The following LRP1B variants were observed in gnomAD, a reference collection of about 807,000 sequenced individuals.
LRP1B encodes the protein low-density lipoprotein receptor-related protein 1B.
In LRP1B, 217 loss-of-function variants were observed where a neutral mutation model predicts 556.6. The observed-to-expected ratio is 0.39, with a 90% CI of 0.35 to 0.44. The LOEUF is 0.44. Among genes scored for constraint, LRP1B ranks in the 20% least tolerant of loss-of-function variants. LRP1B has a pLI of 1.00. For missense variants in LRP1B, 5,053 were observed against 5,620.8 expected, an observed-to-expected ratio of 0.90 and a Z score of 3.23; for synonymous variants, 2,047 against 1,865.8, an observed-to-expected ratio of 1.10 and a Z score of -2.50.
At chr2:141,282,821 A>G (rs1408650969) in intron 3 of LRP1B, among the ~76,000 whole-genome samples, 3 of 152,186 alleles carry the variant, frequency 2.0e-5, no homozygotes, top group Non-Finnish European at 1.5e-5. Context: ...AAGAAAAAGT[A>G]TAAGACTTCT....
chr2:142,081,028 C>T (rs1218106780), intron 1 of LRP1B, among the ~76,000 whole-genome samples: 1 of 152,080 alleles, frequency 6.6e-6, no homozygotes, highest in East Asian at 1.9e-4. Flanking sequence ...ATGGCTTTCC[C>T]TCTAACTGGG....
intron 7 of LRP1B, among the ~76,000 whole-genome samples, chr2:141,069,808 T>G (rs1699584832): frequency 6.6e-6 from 1 of 152,012 alleles, no homozygotes; most frequent in South Asian, 2.1e-4. Flanking sequence ...CACCCTTCTT[T>G]TATTATTATT....
At chr2:140,940,342 G>A (rs1159768185) in intron 20 of LRP1B, among the ~76,000 whole-genome samples, 1 of 152,064 alleles carries the variant, frequency 6.6e-6, no homozygotes, top group African/African-American at 2.4e-5. Flanking sequence ...TGTAGTGAAA[G>A]TTTACATAAT....
intron 87 of LRP1B, among the ~76,000 whole-genome samples, chr2:140,242,277 C>G (rs556505554): frequency 1.3e-5 from 2 of 151,226 alleles, no homozygotes; most frequent in African/African-American, 4.8e-5. Context: ...ATACTACATA[C>G]ATGCTTAATG....
intron 2 of LRP1B, among the ~76,000 whole-genome samples, chr2:141,577,656 C>T (rs528168362): frequency 1.3e-5 from 2 of 152,246 alleles, no homozygotes; most frequent in South Asian, 2.1e-4. Flanking sequence ...TGATTCTTTT[C>T]CTGTGAAAAT....
At chr2:141,259,975 G>A (rs560242195) in intron 3 of LRP1B, among the ~76,000 whole-genome samples, 63 of 152,064 alleles carry the variant, frequency 4.1e-4, no homozygotes, top group African/African-American at 1.3e-3. Context: ...CTGCCATATC[G>A]TATATACACT....
intron 2 of LRP1B, among the ~76,000 whole-genome samples, chr2:141,675,605 T>C (rs2105420368): frequency 6.6e-6 from 1 of 151,854 alleles, no homozygotes; most frequent in East Asian, 1.9e-4. Context: ...AGTTAATACA[T>C]GTAGTATACT....
chr2:141,691,050 C>G (rs1397818850), intron 2 of LRP1B, among the ~76,000 whole-genome samples: 1 of 151,786 alleles, frequency 6.6e-6, no homozygotes, highest in Non-Finnish European at 1.5e-5. Flanking sequence ...GAGTACTAGA[C>G]AGACTTGAAG....
At chr2:141,586,621 C>T (rs1237481996) in intron 2 of LRP1B, among the ~76,000 whole-genome samples, 1 of 152,076 alleles carries the variant, frequency 6.6e-6, no homozygotes, top group Admixed American at 6.5e-5. Context: ...CACTCAAATG[C>T]CATTGACAAA....
chr2:140,769,119 C>A, intron 35 of LRP1B, 94 bp downstream of exon 35: 1 of 1,138,356 alleles, frequency 8.8e-7, no homozygotes, highest in Non-Finnish European at 1.3e-6. Flanking sequence ...CTCATCTTGA[C>A]TATTAAAGCA....
At chr2:140,401,150 T>C (rs1684482239) in intron 66 of LRP1B, among the ~76,000 whole-genome samples, 1 of 152,024 alleles carries the variant, frequency 6.6e-6, no homozygotes, top group African/African-American at 2.4e-5. Flanking sequence ...GTGGGGCTAG[T>C]GGGAAGTACA....
intron 3 of LRP1B, among the ~76,000 whole-genome samples, chr2:141,312,486 T>C (rs572724436): frequency 1.3e-5 from 2 of 152,254 alleles, no homozygotes; most frequent in South Asian, 4.1e-4. Flanking sequence ...TGTTAACAGT[T>C]AAGTTTTGGG....
At chr2:141,313,173 T>C (rs1313991760) in intron 3 of LRP1B, among the ~76,000 whole-genome samples, 3 of 152,150 alleles carry the variant, frequency 2.0e-5, no homozygotes, top group African/African-American at 7.2e-5. Flanking sequence ...TTGGCCTCAT[T>C]CTTTATGATT....
intron 18 of LRP1B, among the ~76,000 whole-genome samples, chr2:140,958,108 C>T (rs1695926906): frequency 6.6e-6 from 1 of 151,302 alleles, no homozygotes; most frequent in African/African-American, 2.4e-5. Flanking sequence ...AAAATTTCCA[C>T]ATGGGACAAA....
chr2:141,997,415 A>ATG (rs138233497), intron 1 of LRP1B, among the ~76,000 whole-genome samples: 9 of 138,356 alleles, frequency 6.5e-5, no homozygotes, highest in African/African-American at 2.4e-4. Context: ...AAATGTATAT[A>ATG]TGTGTGTGTG....
At chr2:141,634,618 ATTT>A (rs1689036884) in intron 2 of LRP1B, among the ~76,000 whole-genome samples, 1 of 151,988 alleles carries the variant, frequency 6.6e-6, no homozygotes, top group African/African-American at 2.4e-5. Context: ...TTTATCTCAC[ATTT>A]ATTATAAATA....
rs202029290 is a variant in LRP1B, at chr2:141,544,337, C to CTT, written c.206-63806_206-63805dup. On this transcript the variant is annotated intron_variant, in intron 2 of 90. Transcript: ENST00000389484. ...TCTTCTTCTTCTTCTTCTTCTTCTTCTTCTTCTTCTTCTTCTTCTTCTTCT... is the reference window on the plus strand; with the variant it reads ...TCTTCTTCTTCTTCTTCTTCTTCTTCTTTTCTTCTTCTTCTTCTTCTTCTTCT... Among the ~76,000 whole-genome samples, 374 of 67,186 alleles carry CTT rather than the reference C, an allele frequency of 5.6e-3. 3 individuals are homozygous for CTT. The highest frequency in any genetic ancestry group is 0.014 in the South Asian group (19 of 1,366). The allele number at this position is 67,186 out of a possible 152,430, so 44.1% of individuals were successfully genotyped here.
rs35691427 is a variant in LRP1B, at chr2:140,755,015, T to TAA, written c.5758+14196_5758+14197dup. Among the ~76,000 whole-genome samples, 4 of 151,104 alleles carry TAA rather than the reference T, an allele frequency of 2.6e-5. No homozygotes were observed. The South Asian group carries it at 6.2e-4, about 24-fold the overall frequency. On this transcript the variant is annotated intron_variant, in intron 35 of 90. Transcript: ENST00000389484. ...CCTACTGATACAGTAGATACAGAAA[T>TAA]AAAAAAAGAAATATAAGGGAATACC...
At chr2:141,339,194 C>A (rs777204539) in intron 3 of LRP1B, among the ~76,000 whole-genome samples, 2 of 137,056 alleles carry the variant, frequency 1.5e-5, no homozygotes, top group Non-Finnish European at 3.1e-5. Flanking sequence ...TTGTTTTACT[C>A]TACATTTTAT....
Sources: allele counts gnomAD v4.1 joint callset (sites outside exome capture counted in the v4.1 genomes callset), GRCh38; gene constraint gnomAD v4.1.1; transcripts MANE v1.5; gene names NCBI Gene and HGNC (gene_info 2026-07-23, HGNC 2026-07-21).